Variants in SPAG16 observed in about 807,000 individuals in gnomAD.
The protein encoded by SPAG16 is sperm associated antigen 16, also known as sperm-associated antigen 16 protein.
SPAG16 carries 86 observed loss-of-function variants against 80.4 expected under a neutral mutation model. The observed-to-expected ratio is 1.07, with a 90% confidence interval of 0.90 to 1.28. The LOEUF (loss-of-function observed/expected upper bound fraction) is 1.28. SPAG16 is among the 50% of genes most tolerant of loss of function. The pLI, the probability that SPAG16 is intolerant of heterozygous loss-of-function variation, is 0.00. For synonymous variants in SPAG16, 294 were observed against 265.9 expected (o/e 1.11, Z -1.03); for missense variants, 870 against 765.3 (o/e 1.14, Z -1.61).
intron 14 of SPAG16, among the ~76,000 whole-genome samples, chr2:214,139,130 T>C (rs1435884101): frequency 3.3e-5 from 5 of 152,202 alleles, no homozygotes; most frequent in Non-Finnish European, 5.9e-5. Context: ...ATTGTCTTAG[T>C]GGTTTTCCTC....
At chr2:213,457,923 TCTTA>T (rs1247044452) in intron 9 of SPAG16, among the ~76,000 whole-genome samples, 1 of 152,046 alleles carries the variant, frequency 6.6e-6, no homozygotes, top group Non-Finnish European at 1.5e-5. Flanking sequence ...TTTATTACTT[TCTTA>T]TTCTATTTTT....
At chr2:214,354,566 T>C (rs979521182) in intron 15 of SPAG16, among the ~76,000 whole-genome samples, 1 of 152,294 alleles carries the variant, frequency 6.6e-6, no homozygotes, top group South Asian at 2.1e-4. Flanking sequence ...GGGGATGGCA[T>C]TGAATCTATA....
intron 15 of SPAG16, among the ~76,000 whole-genome samples, chr2:214,389,429 T>C (rs1467378415): frequency 6.6e-6 from 1 of 152,210 alleles, no homozygotes; most frequent in Non-Finnish European, 1.5e-5. Context: ...TTGCAATGTA[T>C]GATGGTAGTT....
chr2:213,428,098 T>G (rs1163581037), intron 9 of SPAG16, among the ~76,000 whole-genome samples: 3 of 152,178 alleles, frequency 2.0e-5, no homozygotes, highest in Admixed American at 6.5e-5. Flanking sequence ...GAATTCACAA[T>G]GTGAAACTTT....
At chr2:213,890,912 C>A (rs1284574531) in intron 11 of SPAG16, among the ~76,000 whole-genome samples, 3 of 151,946 alleles carry the variant, frequency 2.0e-5, no homozygotes, top group Non-Finnish European at 4.4e-5. Flanking sequence ...AGATTTTTCT[C>A]TATGAGCATA....
At chr2:213,758,704 C>T (rs919406680) in intron 10 of SPAG16, among the ~76,000 whole-genome samples, 2 of 151,986 alleles carry the variant, frequency 1.3e-5, no homozygotes, top group African/African-American at 4.8e-5. Context: ...GTGACACAAT[C>T]AAGGAGTCAC....
chr2:213,516,190 C>T (rs1159399879), intron 10 of SPAG16, among the ~76,000 whole-genome samples: 1 of 152,160 alleles, frequency 6.6e-6, no homozygotes, highest in Admixed American at 6.5e-5. Flanking sequence ...TAAGAACCTA[C>T]ATTTCTTGCA....
intron 13 of SPAG16, among the ~76,000 whole-genome samples, chr2:214,018,428 A>G (rs2047696616): frequency 6.6e-6 from 1 of 152,152 alleles, no homozygotes; most frequent in Non-Finnish European, 1.5e-5. Flanking sequence ...ATAAATTTAC[A>G]TTTTTAGTTA....
rs1461030498 is a variant in SPAG16 at position 213,527,692 on chromosome 2, C to A, written c.1070+37602C>A. On this transcript the variant is annotated intron_variant, in intron 10 of 15. Coordinates refer to ENST00000331683, the MANE Select transcript of SPAG16 (RefSeq NM_024532.5). ...CAAAAATTACACTAAAAACTCAACA[C>A]ACAGAAAATAAGACAACAATTTAAG... Among the ~76,000 whole-genome samples the A allele has an allele frequency of 2.0e-5, 3 of 151,966 alleles. No individual in the cohort carries two copies. The East Asian group carries it at 5.8e-4, about 29-fold the overall frequency.
At chr2:213,732,994 A>G (rs1162620554) in intron 10 of SPAG16, among the ~76,000 whole-genome samples, 1 of 152,144 alleles carries the variant, frequency 6.6e-6, no homozygotes, top group Non-Finnish European at 1.5e-5. Flanking sequence ...ACTCCCACCA[A>G]CAGTGTAAGA....
intron 15 of SPAG16, among the ~76,000 whole-genome samples, chr2:214,332,169 T>G (rs1301798704): frequency 6.6e-6 from 1 of 152,176 alleles, no homozygotes; most frequent in African/African-American, 2.4e-5. Flanking sequence ...CAAGAATCAC[T>G]TGAACCTGGG....
At chr2:214,078,384 A>C (rs1047923972) in intron 13 of SPAG16, among the ~76,000 whole-genome samples, 2 of 151,750 alleles carry the variant, frequency 1.3e-5, no homozygotes, top group Admixed American at 1.3e-4. Flanking sequence ...GAAACCCCAT[A>C]TCTACAAATA....
At chr2:214,373,386 A>C (rs1349072909) in intron 15 of SPAG16, among the ~76,000 whole-genome samples, 1 of 152,210 alleles carries the variant, frequency 6.6e-6, no homozygotes, top group African/African-American at 2.4e-5. Flanking sequence ...AGAGCCACAC[A>C]TTGTATAGTT....
chr2:213,306,699 G>A (rs1025561159), intron 3 of SPAG16, among the ~76,000 whole-genome samples: 3 of 151,950 alleles, frequency 2.0e-5, no homozygotes, highest in Non-Finnish European at 2.9e-5. Context: ...GCTGAGTTCT[G>A]CCTGGTGTTG....
At chr2:214,355,431 A>T (rs550455307) in intron 15 of SPAG16, among the ~76,000 whole-genome samples, 9,523 of 145,422 alleles carry the variant, frequency 0.065, 1,011 homozygotes, top group African/African-American at 0.22. Flanking sequence ...AATGTTCACC[A>T]TCACTGGCCA....
rs185266291 is a variant in SPAG16, at chr2:213,825,488, G to T, written c.1071-36997G>T. Reference sequence around the variant, plus strand: ...CAGCATCAATTGAAATGATCATATGGTTTTTTTCCTTCATTCTGTTGGTAA... The same window carrying T: ...CAGCATCAATTGAAATGATCATATGTTTTTTTTCCTTCATTCTGTTGGTAA... On this transcript the variant is annotated intron_variant, in intron 10 of 15. Transcript: ENST00000331683. 5.0e-3 allele frequency among the ~76,000 whole-genome samples: 758 copies of T among 151,938 alleles called. 22 individuals carry two copies. Among genetic ancestry groups the T allele is most frequent in the Admixed American group, 0.041 (632 of 15,236 alleles).
chr2:213,632,179 A>G (rs1312337592), intron 10 of SPAG16, among the ~76,000 whole-genome samples: 11 of 151,926 alleles, frequency 7.2e-5, no homozygotes, highest in Admixed American at 7.2e-4. Context: ...TACAGTTTTC[A>G]TTATAGGGAT....
intron 10 of SPAG16, among the ~76,000 whole-genome samples, chr2:213,590,659 G>T (rs1031589715): frequency 2.6e-5 from 4 of 152,140 alleles, no homozygotes; most frequent in African/African-American, 9.7e-5. Flanking sequence ...AACAGATGTT[G>T]CTAAGGTTGT....
intron 15 of SPAG16, among the ~76,000 whole-genome samples, chr2:214,202,137 T>TG (rs1559125618): frequency 6.6e-6 from 1 of 152,198 alleles, no homozygotes; most frequent in East Asian, 1.9e-4. Context: ...TAAGCTACCA[T>TG]GCTCAGCCAA....
Sources: gnomAD v4.1 joint callset for allele counts (sites outside exome capture counted in the v4.1 genomes callset) on GRCh38, gnomAD v4.1.1 for gene constraint, MANE v1.5 for transcripts, NCBI Gene and HGNC (gene_info 2026-07-23, HGNC 2026-07-21) for gene names.